Variants in GNAO1 observed in about 807,000 individuals in gnomAD.
GNAO1 encodes G protein subunit alpha o1, also known as guanine nucleotide-binding protein G(o) subunit alpha.
For synonymous variants in GNAO1, 164 were observed against 180.7 expected, an observed-to-expected ratio of 0.91 and a Z score of 0.74; for missense variants, 166 against 478.7, an observed-to-expected ratio of 0.35 and a Z score of 6.10.
chr16:56,356,605 C>G lies in GNAO1; in HGVS notation c.*531C>G, dbSNP rs1466214932. The stretch of plus-strand genomic sequence containing the variant: ...CAGACGCCACCTGGCGGCCCTAAGC[C>G]ACTCCCGCCACACGCTCACTCCAGG... On this transcript the variant is annotated 3_prime_UTR_variant, in exon 9 of 9. Coordinates refer to ENST00000262493, the MANE Select transcript of GNAO1 (RefSeq NM_020988.3). The G allele has an allele frequency of 6.5e-6, 1 of 152,800 alleles. No individual in the cohort carries two copies. The highest frequency in any genetic ancestry group is 1.5e-5 in the Non-Finnish European group (1 of 68,178). 9.5% of individuals were successfully genotyped at this position (152,800 alleles called of 1,614,324 possible).
chr16:56,284,158 G>A (rs181950623), intron 3 of GNAO1, among the ~76,000 whole-genome samples: 311 of 152,358 alleles, frequency 2.0e-3, no homozygotes, highest in Non-Finnish European at 3.5e-3. Context: ...CTGGGGAAGT[G>A]CACAAGATGG....
intron 2 of GNAO1, among the ~76,000 whole-genome samples, chr16:56,219,923 A>G (rs1166102558): frequency 6.6e-6 from 1 of 152,194 alleles, no homozygotes; most frequent in Non-Finnish European, 1.5e-5. Context: ...GAATTCCTAG[A>G]ACTAGAGAAG....
chr16:56,356,650 G>A lies in GNAO1; in HGVS notation c.*576G>A, dbSNP rs1403970653. On this transcript the variant is annotated 3_prime_UTR_variant, in exon 9 of 9. Coordinates refer to ENST00000262493, the MANE Select transcript of GNAO1 (RefSeq NM_020988.3). ...TCCAGGTTCGTATAGAAAAAGCACA[G>A]CTCTCACTGGCCAGTAGCTGCCAAA... The A allele has an allele frequency of 2.0e-5, 3 of 152,754 alleles. No homozygotes were observed. Among genetic ancestry groups the A allele is most frequent in the Non-Finnish European group, 4.4e-5 (3 of 68,076 alleles). 9.5% of individuals were successfully genotyped at this position (152,754 alleles called of 1,614,324 possible).
At chr16:56,268,860 C>G (rs535379699) in intron 2 of GNAO1, among the ~76,000 whole-genome samples, 29 of 152,280 alleles carry the variant, frequency 1.9e-4, no homozygotes, top group South Asian at 1.0e-3. Context: ...CTGTGGAGCC[C>G]CCAATTCCTG....
At chr16:56,258,508 C>T (rs1307361386) in intron 2 of GNAO1, among the ~76,000 whole-genome samples, 3 of 152,198 alleles carry the variant, frequency 2.0e-5, no homozygotes, top group Non-Finnish European at 4.4e-5. Context: ...GGTAGTGGCA[C>T]ACCACCCAGA....
intron 3 of GNAO1, among the ~76,000 whole-genome samples, chr16:56,304,268 C>T (rs2037372146): frequency 6.6e-6 from 1 of 152,212 alleles, no homozygotes; most frequent in Non-Finnish European, 1.5e-5. Flanking sequence ...AGGGCTTTGC[C>T]CATGGTACTG....
At chr16:56,308,369 A>G (rs1399040853) in intron 3 of GNAO1, 1 of 152,230 alleles carries the variant, frequency 6.6e-6, no homozygotes, top group Non-Finnish European at 1.5e-5. Context: ...GTCCAATTTA[A>G]TAACATTTTC....
intron 2 of GNAO1, among the ~76,000 whole-genome samples, chr16:56,213,011 G>A (rs1403028777): frequency 6.6e-6 from 1 of 152,206 alleles, no homozygotes; most frequent in African/African-American, 2.4e-5. Context: ...ACGTCCCCAG[G>A]AGCCCTGCCC....
intron 2 of GNAO1, among the ~76,000 whole-genome samples, chr16:56,196,286 CTT>C (rs1327181166): frequency 6.6e-6 from 1 of 152,050 alleles, no homozygotes; most frequent in Non-Finnish European, 1.5e-5. Context: ...ATCAGTGACT[CTT>C]TTTTTGCATG....
chr16:56,224,903 C>G (rs1458669397), intron 2 of GNAO1, among the ~76,000 whole-genome samples: 1 of 152,230 alleles, frequency 6.6e-6, no homozygotes, highest in African/African-American at 2.4e-5. Context: ...TTCAGGTGCC[C>G]TTTAGAGGAT....
At chr16:56,286,784 A>G (rs2037176104) in intron 3 of GNAO1, among the ~76,000 whole-genome samples, 1 of 150,888 alleles carries the variant, frequency 6.6e-6, no homozygotes. Flanking sequence ...CCCCTCCTTG[A>G]CCCAATCACC....
chr16:56,235,099 C>T (rs1596813127), intron 2 of GNAO1: 1 of 339,646 alleles, frequency 2.9e-6, no homozygotes, highest in East Asian at 7.6e-5. Flanking sequence ...TGCTTAGCCA[C>T]AACTCACAAC....
chr16:56,331,189 G>A (rs1370198031), intron 4 of GNAO1, among the ~76,000 whole-genome samples: 1 of 152,190 alleles, frequency 6.6e-6, no homozygotes, highest in Non-Finnish European at 1.5e-5. Context: ...CCTTTACAGG[G>A]GAGGGACCAG....
chr16:56,298,691 T>A (rs1195500719), intron 3 of GNAO1, among the ~76,000 whole-genome samples: 3 of 151,958 alleles, frequency 2.0e-5, no homozygotes, highest in Admixed American at 1.3e-4. Context: ...AGCGGGCAGA[T>A]CACGAGATCA....
chr16:56,309,681 A>G (rs933379628), intron 3 of GNAO1, among the ~76,000 whole-genome samples: 35 of 152,188 alleles, frequency 2.3e-4, no homozygotes, highest in African/African-American at 8.2e-4. Context: ...CTAGGAGAAG[A>G]GGGAGGTGAA....
chr16:56,272,502 A>T (rs1045841763), intron 2 of GNAO1, among the ~76,000 whole-genome samples: 1 of 152,222 alleles, frequency 6.6e-6, no homozygotes, highest in Admixed American at 6.5e-5. Context: ...CCAAATTGCA[A>T]CATTTCTGCA....
At chr16:56,279,637 C>T (rs865906800) in intron 3 of GNAO1, among the ~76,000 whole-genome samples, 1 of 152,216 alleles carries the variant, frequency 6.6e-6, no homozygotes, top group East Asian at 1.9e-4. Flanking sequence ...AGAAACTCAG[C>T]TCAGGGCTTT....
At position 56,329,884 on chromosome 16, in the gene GNAO1, G is replaced by T. The variant is rs578077277; in HGVS notation, c.464+1093G>T. On this transcript the variant is annotated intron_variant, in intron 4 of 8. Transcript: ENST00000262493. ...CGGCAGCTAGCAGGTAGAGGCCAGA[G>T]ATGCTGTTAAACACCCCATAGTGTG... Among the ~76,000 whole-genome samples the T allele has an allele frequency of 3.2e-3, 484 of 152,316 alleles. 1 individual carries two copies. Among genetic ancestry groups the T allele is most frequent in the African/African-American group, 0.011 (463 of 41,566 alleles).
chr16:56,292,587 C>T (rs769041206), intron 3 of GNAO1, among the ~76,000 whole-genome samples: 2 of 152,104 alleles, frequency 1.3e-5, no homozygotes, highest in Non-Finnish European at 2.9e-5. Flanking sequence ...GTCTCAAACT[C>T]GTGAGCTCAA....
Sources: gnomAD v4.1 joint callset for allele counts (sites outside exome capture counted in the v4.1 genomes callset) on GRCh38, gnomAD v4.1.1 for gene constraint, MANE v1.5 for transcripts, NCBI Gene and HGNC (gene_info 2026-07-23, HGNC 2026-07-21) for gene names.